Variants in NRG3 observed in about 807,000 individuals in gnomAD.
The protein encoded by NRG3 is neuregulin 3, also known as pro-neuregulin-3, membrane-bound isoform.
NRG3 carries 31 observed loss-of-function variants against 66.9 expected under a neutral mutation model. That is an observed-to-expected ratio of 0.46 (90% CI 0.35 to 0.63). The LOEUF (loss-of-function observed/expected upper bound fraction) is 0.63. NRG3 is among the 20% of genes least tolerant of loss of function. The probability of loss-of-function intolerance (pLI) is 0.00; values close to 1 mark genes in which losing one functional copy is unlikely to be tolerated. For synonymous variants in NRG3, 393 were observed against 359.4 expected (o/e 1.09, Z -1.06); for missense variants, 910 against 878.9 (o/e 1.04, Z -0.45).
chr10:82,029,164 G>A (rs2062453513), intron 1 of NRG3, among the ~76,000 whole-genome samples: 1 of 152,000 alleles, frequency 6.6e-6, no homozygotes, highest in Non-Finnish European at 1.5e-5. Context: ...ATCAGAGATC[G>A]CATCACTGCA....
chr10:82,603,481 C>T (rs146791458), intron 2 of NRG3, among the ~76,000 whole-genome samples: 258 of 152,200 alleles, frequency 1.7e-3, no homozygotes, highest in Non-Finnish European at 2.0e-3. Context: ...AACAATTGAG[C>T]GGAAACATGT....
intron 2 of NRG3, among the ~76,000 whole-genome samples, chr10:82,660,286 C>T (rs953602260): frequency 4.8e-5 from 7 of 145,424 alleles, no homozygotes; most frequent in African/African-American, 1.8e-4. Flanking sequence ...AATAAATTGC[C>T]CAGCTGCCTC....
At chr10:82,671,202 C>A (rs1489420674) in intron 2 of NRG3, among the ~76,000 whole-genome samples, 1 of 152,210 alleles carries the variant, frequency 6.6e-6, no homozygotes, top group South Asian at 2.1e-4. Flanking sequence ...AGCTGCAACA[C>A]TGTGACTCCT....
chr10:82,062,497 T>G (rs2133245375), intron 1 of NRG3, among the ~76,000 whole-genome samples: 1 of 151,766 alleles, frequency 6.6e-6, no homozygotes, highest in Admixed American at 6.6e-5. Flanking sequence ...TCCCAGCTAC[T>G]CAGGAGGCTG....
intron 1 of NRG3, among the ~76,000 whole-genome samples, chr10:82,009,796 C>A (rs2061507831): frequency 6.6e-6 from 1 of 152,154 alleles, no homozygotes. Flanking sequence ...CCTTTCAGCC[C>A]CAGCCATGCC....
intron 2 of NRG3, among the ~76,000 whole-genome samples, chr10:82,648,465 C>T (rs1040575907): frequency 1.3e-5 from 2 of 152,132 alleles, no homozygotes; most frequent in African/African-American, 2.4e-5. Context: ...GTTCTTTTGG[C>T]TTAGGATTAA....
intron 1 of NRG3, among the ~76,000 whole-genome samples, chr10:82,086,348 C>T (rs1462016081): frequency 9.2e-5 from 14 of 151,968 alleles, no homozygotes; most frequent in Admixed American, 9.2e-4. Flanking sequence ...TATCAAGTTT[C>T]TAAATATCAG....
At chr10:82,013,011 G>T (rs1166129284) in intron 1 of NRG3, among the ~76,000 whole-genome samples, 1 of 152,030 alleles carries the variant, frequency 6.6e-6, no homozygotes, top group Admixed American at 6.6e-5. Context: ...ACATTTTTGG[G>T]TATCTTTATA....
intron 2 of NRG3, among the ~76,000 whole-genome samples, chr10:82,596,648 G>C (rs1276124590): frequency 6.6e-6 from 1 of 152,030 alleles, no homozygotes; most frequent in East Asian, 1.9e-4. Flanking sequence ...GGGCTTTAGC[G>C]GTATGTTTTT....
chr10:82,258,477 A>G (rs530808948), intron 1 of NRG3, among the ~76,000 whole-genome samples: 70 of 152,362 alleles, frequency 4.6e-4, no homozygotes, highest in African/African-American at 1.7e-3. Flanking sequence ...CAAATTAGGC[A>G]GGCATCCTTG....
At chr10:81,995,307 A>G (rs2060896238) in intron 1 of NRG3, among the ~76,000 whole-genome samples, 1 of 152,174 alleles carries the variant, frequency 6.6e-6, no homozygotes, top group Admixed American at 6.5e-5. Context: ...TGTTTTTCCT[A>G]CAATTGTTTC....
At chr10:82,859,023 T>G (rs36091044) in intron 3 of NRG3, 16,349 of 148,434 alleles carry the variant, frequency 0.11, 987 homozygotes, top group South Asian at 0.18. Context: ...CTCGGCTCAC[T>G]GCAAGCTCCG....
rs200638118 is a variant in NRG3 at position 82,435,983 on chromosome 10, C to T, written c.953+77115C>T. Among the ~76,000 whole-genome samples, 10 of 151,946 alleles carry T rather than the reference C, an allele frequency of 6.6e-5. No homozygotes were observed. The South Asian group carries it at 1.5e-3, about 22-fold the overall frequency. Reference sequence around the variant, plus strand: ...TATGTGGTCGATTTTAGAATAAGTGCCATGTGGCACTGAGAAGAATATATA... The same window carrying T: ...TATGTGGTCGATTTTAGAATAAGTGTCATGTGGCACTGAGAAGAATATATA... On this transcript the variant is annotated intron_variant, in intron 2 of 8. Transcript: ENST00000372141.
At chr10:82,610,493 A>T (rs1453160738) in intron 2 of NRG3, among the ~76,000 whole-genome samples, 1 of 152,172 alleles carries the variant, frequency 6.6e-6, no homozygotes, top group East Asian at 1.9e-4. Context: ...TTTTTCATGA[A>T]ACAATGACTG....
chr10:82,083,791 A>G (rs2065546997), intron 1 of NRG3, among the ~76,000 whole-genome samples: 1 of 150,158 alleles, frequency 6.7e-6, no homozygotes, highest in African/African-American at 2.4e-5. Context: ...TGTTTTTTGC[A>G]TTTTTAATAG....
chr10:82,696,307 A>G (rs1020452251), intron 2 of NRG3, among the ~76,000 whole-genome samples: 1 of 152,106 alleles, frequency 6.6e-6, no homozygotes, highest in Non-Finnish European at 1.5e-5. Context: ...TATACCATTC[A>G]TTGACAAATT....
chr10:82,915,339 A>G (rs981793563), intron 4 of NRG3, among the ~76,000 whole-genome samples: 3 of 152,188 alleles, frequency 2.0e-5, no homozygotes, highest in Non-Finnish European at 4.4e-5. Flanking sequence ...AGCTCTTTAC[A>G]TGCCAAAAAA....
chr10:82,687,356 T>A (rs938582052), intron 2 of NRG3, among the ~76,000 whole-genome samples: 1 of 152,110 alleles, frequency 6.6e-6, no homozygotes, highest in African/African-American at 2.4e-5. Flanking sequence ...CATCCCTGCT[T>A]GTAATTATTC....
chr10:82,189,645 C>G (rs2133333180), intron 1 of NRG3, among the ~76,000 whole-genome samples: 1 of 152,168 alleles, frequency 6.6e-6, no homozygotes, highest in Non-Finnish European at 1.5e-5. Flanking sequence ...AAAAAATTAG[C>G]CAGGTGTGGC....
Sources: gnomAD v4.1 joint callset for allele counts (sites outside exome capture counted in the v4.1 genomes callset) on GRCh38, gnomAD v4.1.1 for gene constraint, MANE v1.5 for transcripts, NCBI Gene and HGNC (gene_info 2026-07-23, HGNC 2026-07-21) for gene names.